Variants in EXD3 observed in about 807,000 individuals in gnomAD.
EXD3 encodes the protein exonuclease 3'-5' domain containing 3.
Under a neutral mutation model 98.0 loss-of-function variants are expected in EXD3, and 92 were observed. The observed-to-expected ratio is 0.94, with a 90% confidence interval of 0.79 to 1.12. The LOEUF is 1.12. EXD3 is among the 50% of genes most tolerant of loss of function. EXD3 has a pLI of 0.00. For missense variants in EXD3, 1,222 were observed against 1,191.6 expected, an observed-to-expected ratio of 1.03 and a Z score of -0.38; for synonymous variants, 569 against 526.0, an observed-to-expected ratio of 1.08 and a Z score of -1.12.
chr9:137,365,586 TAC>T (rs936900285), intron 7 of EXD3: 3 of 146,318 alleles, frequency 2.1e-5, no homozygotes, highest in Non-Finnish European at 4.0e-5. Context: ...CACACACAGG[TAC>T]ACACGCACAC....
intron 7 of EXD3, chr9:137,365,036 G>A (rs1276173416): frequency 2.0e-5 from 3 of 151,512 alleles, no homozygotes; most frequent in African/African-American, 7.3e-5. Flanking sequence ...CCAAAGTGCT[G>A]GGATTACAGG....
At chr9:137,379,838 C>T (rs185257572) in intron 3 of EXD3, among the ~76,000 whole-genome samples, 51 of 152,086 alleles carry the variant, frequency 3.4e-4, no homozygotes, top group Admixed American at 3.3e-3. Context: ...TGCTTCAGTC[C>T]CGTAAACCTT....
chr9:137,389,418 C>T (rs1057415204), intron 2 of EXD3, among the ~76,000 whole-genome samples: 2 of 152,208 alleles, frequency 1.3e-5, no homozygotes, highest in African/African-American at 4.8e-5. Flanking sequence ...CACCCTCAGT[C>T]CTACTCACTT....
intron 17 of EXD3, chr9:137,345,876 C>T (rs942221469): frequency 2.0e-5 from 3 of 151,894 alleles, no homozygotes; most frequent in African/African-American, 4.8e-5. Flanking sequence ...ACAGACAATC[C>T]TTGAAGCTGC....
chr9:137,382,386 G>C (rs1836360095), intron 3 of EXD3, among the ~76,000 whole-genome samples: 1 of 152,122 alleles, frequency 6.6e-6, no homozygotes, highest in Admixed American at 6.5e-5. Flanking sequence ...GACACGTGGG[G>C]GGCGGGGGGC....
At chr9:137,368,410 G>A (rs1835382261) in intron 5 of EXD3, among the ~76,000 whole-genome samples, 1 of 152,180 alleles carries the variant, frequency 6.6e-6, no homozygotes, top group African/African-American at 2.4e-5. Flanking sequence ...GCAGTGGACG[G>A]GCCAAGGCTG....
At chr9:137,379,755 G>A (rs1422998912) in intron 3 of EXD3, among the ~76,000 whole-genome samples, 5 of 152,038 alleles carry the variant, frequency 3.3e-5, no homozygotes, top group East Asian at 3.9e-4. Flanking sequence ...GTGCGCTCTC[G>A]CCCAGGCTGG....
chr9:137,344,833 T>C (rs1833838618), intron 17 of EXD3, among the ~76,000 whole-genome samples: 2 of 151,500 alleles, frequency 1.3e-5, no homozygotes, highest in South Asian at 2.1e-4. Context: ...CATTTCACCA[T>C]AAGCAGCAGA....
At chr9:137,356,899 C>T (rs1834819363) in intron 7 of EXD3, among the ~76,000 whole-genome samples, 1 of 152,202 alleles carries the variant, frequency 6.6e-6, no homozygotes, top group African/African-American at 2.4e-5. Context: ...ATGCCCTGGT[C>T]CACACCCTCC....
intron 1 of EXD3, among the ~76,000 whole-genome samples, chr9:137,396,657 C>T (rs909847580): frequency 3.3e-5 from 5 of 152,206 alleles, no homozygotes; most frequent in African/African-American, 1.2e-4. Flanking sequence ...AACACAACCT[C>T]CTGAAAAAAG....
At chr9:137,401,136 G>A (rs1837462118) in intron 1 of EXD3, among the ~76,000 whole-genome samples, 1 of 150,564 alleles carries the variant, frequency 6.6e-6, no homozygotes, top group African/African-American at 2.4e-5. Context: ...TCTGTGTGGG[G>A]GCTCCCACCC....
chr9:137,387,561 C>T (rs936369568), intron 2 of EXD3, among the ~76,000 whole-genome samples: 13 of 152,066 alleles, frequency 8.5e-5, no homozygotes, highest in Admixed American at 3.3e-4. Context: ...GACAAGCGAG[C>T]TCTGTGAGCC....
At chr9:137,325,596 C>G (rs1014022864) in intron 17 of EXD3, among the ~76,000 whole-genome samples, 1 of 152,120 alleles carries the variant, frequency 6.6e-6, no homozygotes, top group African/African-American at 2.4e-5. Flanking sequence ...GCACACCCAG[C>G]TAATTTTTGT....
At chr9:137,331,807 T>G (rs1337110949) in intron 17 of EXD3, among the ~76,000 whole-genome samples, 1 of 152,032 alleles carries the variant, frequency 6.6e-6, no homozygotes, top group Non-Finnish European at 1.5e-5. Context: ...TCCCAGCTAC[T>G]CAGGAGGCTG....
At chr9:137,386,981 T>C (rs1468275880) in intron 2 of EXD3, among the ~76,000 whole-genome samples, 1 of 121,732 alleles carries the variant, frequency 8.2e-6, no homozygotes, top group Non-Finnish European at 1.7e-5. Flanking sequence ...GCTCCCTGCC[T>C]GCCTCCCTCA....
Position 137,349,148 on chromosome 9 carries a change from C to G in EXD3, c.1792G>C (p.Gly598Arg), listed in dbSNP as rs898841972. The change falls in exon 16 of 22, where the codon GGC becomes CGC. Residue 598 changes from glycine to arginine, a missense_variant. Physicochemically the swap from Gly to Arg is moderately radical, Grantham distance 125 (BLOSUM62 -2). Transcript: ENST00000340951. This position sits in a 1 kb window ranked among gnomAD's most constrained non-coding sequence, Gnocchi z 7.4. The stretch of plus-strand genomic sequence containing the variant: ...GCCGGTGCTGACGCTTTCTGCAGGC[C>G]GGGTGGCTTCCGTGCCCCTGGTCTC... ...RERPGARKPPGLQKASAPAAP... is the reference protein window; with the variant it reads ...RERPGARKPPRLQKASAPAAP... The G allele has an allele frequency of 3.1e-6, 5 of 1,598,182 alleles. No homozygotes were observed. Among genetic ancestry groups the G allele is most frequent in the African/African-American group, 1.3e-5 (1 of 74,866 alleles).
intron 3 of EXD3, among the ~76,000 whole-genome samples, chr9:137,376,067 A>G (rs946342504): frequency 6.6e-6 from 1 of 152,130 alleles, no homozygotes; most frequent in African/African-American, 2.4e-5. Flanking sequence ...GATAGTGGCC[A>G]GGCACGGTGG....
At chr9:137,307,499 C>A (rs1435522590) in intron 21 of EXD3, 109 bp downstream of exon 21, 8 of 1,431,892 alleles carry the variant, frequency 5.6e-6, no homozygotes, top group East Asian at 2.5e-5. Context: ...AGGAGCCCCA[C>A]AGAGCCCCCT....
At chr9:137,337,446 T>C (rs1455115177) in intron 17 of EXD3, among the ~76,000 whole-genome samples, 1 of 151,818 alleles carries the variant, frequency 6.6e-6, no homozygotes, top group South Asian at 2.1e-4. Flanking sequence ...AGGTCAGGAG[T>C]TCCAGACCAG....
Sources: allele counts gnomAD v4.1 joint callset (sites outside exome capture counted in the v4.1 genomes callset), GRCh38; gene constraint gnomAD v4.1.1; non-coding constraint Gnocchi (gnomAD v3.1); transcripts MANE v1.5; gene names NCBI Gene and HGNC (gene_info 2026-07-23, HGNC 2026-07-21).